MIPEP: variants seen among roughly 807,000 people sequenced by gnomAD.
MIPEP encodes the protein mitochondrial intermediate peptidase.
A neutral mutation model predicts 90.3 loss-of-function variants in MIPEP; 79 were observed. The observed-to-expected ratio is 0.87, with a 90% CI of 0.73 to 1.05. The LOEUF is 1.05. MIPEP is among the 50% of genes least tolerant of loss of function. The pLI is 0.00. For missense variants in MIPEP, 940 were observed against 905.6 expected (o/e 1.04, Z -0.49); for synonymous variants, 334 against 315.8 (o/e 1.06, Z -0.61).
chr13:23,760,877 ATC>A (rs1322744440), intron 16 of MIPEP, among the ~76,000 whole-genome samples: 1 of 152,178 alleles, frequency 6.6e-6, no homozygotes. Context: ...TCACATGACT[ATC>A]TACAAAAACA....
intron 16 of MIPEP, among the ~76,000 whole-genome samples, chr13:23,760,947 T>C (rs1952536058): frequency 6.6e-6 from 1 of 152,202 alleles, no homozygotes; most frequent in African/African-American, 2.4e-5. Flanking sequence ...AGTTGTACTC[T>C]GCAATGATTC....
chr13:23,879,793 G>C (rs1871205302), intron 3 of MIPEP, among the ~76,000 whole-genome samples: 1 of 152,128 alleles, frequency 6.6e-6, no homozygotes, highest in Non-Finnish European at 1.5e-5. Context: ...TACTGCTGTG[G>C]GACCTTGGAC....
intron 16 of MIPEP, among the ~76,000 whole-genome samples, chr13:23,770,770 G>A (rs1952640830): frequency 6.6e-6 from 1 of 152,106 alleles, no homozygotes; most frequent in Non-Finnish European, 1.5e-5. Flanking sequence ...TTGAAGAGGG[G>A]GTAGAACACA....
At chr13:23,775,686 T>C (rs1440357077) in intron 16 of MIPEP, among the ~76,000 whole-genome samples, 1 of 152,102 alleles carries the variant, frequency 6.6e-6, no homozygotes, top group Non-Finnish European at 1.5e-5. Context: ...AGGCAGCAGC[T>C]ACCAGAAATA....
chr13:23,842,466 T>A (rs1248621435), intron 10 of MIPEP: 1 of 152,338 alleles, frequency 6.6e-6, no homozygotes, highest in African/African-American at 2.4e-5. Context: ...TCTGACTGAT[T>A]TTTCTTTAAA....
intron 16 of MIPEP, among the ~76,000 whole-genome samples, chr13:23,768,423 T>C (rs1381349777): frequency 6.6e-6 from 1 of 152,126 alleles, no homozygotes; most frequent in Non-Finnish European, 1.5e-5. Flanking sequence ...AATACTATAG[T>C]TTAAAATGTT....
At position 23,869,489 on chromosome 13, in the gene MIPEP, C is replaced by T. The variant is rs779479041; in HGVS notation, c.787-41G>A. The T allele has an allele frequency of 7.1e-6, 11 of 1,544,278 alleles. 1 individual carries two copies. In the South Asian group the frequency reaches 1.3e-4, roughly 18 times the overall value. ...AAATGGTGAAGGCTATAAATATCAT[C>T]ACACAGTCCTATGCAACAATAACAC... is the stretch of plus-strand genomic sequence containing the variant. On this transcript the variant is annotated intron_variant, in intron 6 of 18. Coordinates refer to ENST00000382172, the MANE Select transcript of MIPEP (RefSeq NM_005932.4).
At chr13:23,784,833 T>A (rs183766102) in intron 16 of MIPEP, among the ~76,000 whole-genome samples, 1 of 152,130 alleles carries the variant, frequency 6.6e-6, no homozygotes, top group Admixed American at 6.5e-5. Flanking sequence ...GTGAAGGATA[T>A]GAACAGACAC....
chr13:23,874,481 A>G (rs1870971879), intron 5 of MIPEP, among the ~76,000 whole-genome samples: 1 of 152,204 alleles, frequency 6.6e-6, no homozygotes, highest in Non-Finnish European at 1.5e-5. Flanking sequence ...AATATAAATA[A>G]ATACACTTAT....
intron 18 of MIPEP, among the ~76,000 whole-genome samples, chr13:23,741,946 T>C (rs992074313): frequency 6.6e-6 from 1 of 152,154 alleles, no homozygotes; most frequent in Non-Finnish European, 1.5e-5. Flanking sequence ...GGCCTATAAG[T>C]ATCAGTTAGG....
At chr13:23,859,178 T>C (rs1870179220) in intron 9 of MIPEP, among the ~76,000 whole-genome samples, 2 of 152,128 alleles carry the variant, frequency 1.3e-5, no homozygotes, top group Non-Finnish European at 2.9e-5. Context: ...TGAAGTGGTA[T>C]CTAACAAAAG....
chr13:23,820,946 A>T (rs1953298755), intron 14 of MIPEP, among the ~76,000 whole-genome samples: 1 of 152,222 alleles, frequency 6.6e-6, no homozygotes, highest in African/African-American at 2.4e-5. Context: ...CTCTGCTCCA[A>T]AACAGAAGAA....
At chr13:23,736,538 C>A (rs1314010214) in intron 18 of MIPEP, among the ~76,000 whole-genome samples, 1 of 152,142 alleles carries the variant, frequency 6.6e-6, no homozygotes, top group Non-Finnish European at 1.5e-5. Context: ...GGTAATTATT[C>A]TGGCCTGACT....
At chr13:23,831,033 G>C (rs1868712555) in intron 14 of MIPEP, among the ~76,000 whole-genome samples, 1 of 152,156 alleles carries the variant, frequency 6.6e-6, no homozygotes, top group Admixed American at 6.5e-5. Context: ...AACAGAGGCA[G>C]CTACTGTGAA....
intron 18 of MIPEP, among the ~76,000 whole-genome samples, chr13:23,748,131 C>A (rs1361197924): frequency 6.6e-6 from 1 of 152,162 alleles, no homozygotes; most frequent in Non-Finnish European, 1.5e-5. Context: ...ACCTCCGACT[C>A]CCAGGTATAA....
At chr13:23,841,260 T>C in intron 11 of MIPEP, 75 bp downstream of exon 11, 2 of 1,385,770 alleles carry the variant, frequency 1.4e-6, no homozygotes, top group East Asian at 2.3e-5. Context: ...GATGTAAACC[T>C]GAAACTGCTG....
At chr13:23,768,949 A>T (rs1189418948) in intron 16 of MIPEP, among the ~76,000 whole-genome samples, 1 of 152,208 alleles carries the variant, frequency 6.6e-6, no homozygotes, top group Non-Finnish European at 1.5e-5. Flanking sequence ...ACTCAAATGG[A>T]AATACATTTA....
intron 10 of MIPEP, among the ~76,000 whole-genome samples, chr13:23,847,463 C>CAAAAAA (rs1566015969): frequency 3.8e-4 from 5 of 13,244 alleles, no homozygotes; most frequent in African/African-American, 6.2e-4. Context: ...CAAATCCAAG[C>CAAAAAA]TAAAAAAAAA....
intron 18 of MIPEP, among the ~76,000 whole-genome samples, chr13:23,746,946 T>C (rs1778541538): frequency 6.6e-6 from 1 of 152,204 alleles, no homozygotes; most frequent in Admixed American, 6.5e-5. Context: ...TAGCTTACTA[T>C]TAGAGAAAAC....
Sources: allele counts gnomAD v4.1 joint callset (sites outside exome capture counted in the v4.1 genomes callset), GRCh38; gene constraint gnomAD v4.1.1; transcripts MANE v1.5; gene names NCBI Gene and HGNC (gene_info 2026-07-23, HGNC 2026-07-21).